Variants in TMEM179 observed in about 807,000 individuals in gnomAD.
The protein encoded by TMEM179 is transmembrane protein 179A.
TMEM179 carries 17 observed loss-of-function variants against 22.2 expected under a neutral mutation model. That is an observed-to-expected ratio of 0.77 (90% CI 0.52 to 1.15). The LOEUF is 1.15. Among genes scored for constraint, TMEM179 ranks in the 50% most tolerant of loss-of-function variants. The pLI, the probability that TMEM179 is intolerant of heterozygous loss-of-function variation, is 0.00. For synonymous variants in TMEM179, 127 were observed against 140.5 expected (o/e 0.90, Z 0.68); for missense variants, 265 against 313.6 (o/e 0.84, Z 1.17).
chr14:104,595,180 C>A lies in TMEM179; in HGVS notation c.507G>T (p.Gln169His). Residue 169 changes from glutamine to histidine, a missense_variant, in exon 3 of 4, where the codon CAG becomes CAT. Physicochemically the swap from Gln to His is conservative, Grantham distance 24. Transcript: ENST00000556573. The surrounding 1 kb of genome is among the most constrained non-coding windows in gnomAD (Gnocchi z 5.7). ...LGVDNSAFYD[Q>H]FAIAQFGLWA... ...AGCCCCCTACCTGGGCAATTGCAAACTGATCGTAGAAGGCGGAGTTGTCCA... is the reference window on the plus strand; with the variant it reads ...AGCCCCCTACCTGGGCAATTGCAAAATGATCGTAGAAGGCGGAGTTGTCCA... 1 of 1,613,852 alleles carries A rather than the reference C, an allele frequency of 6.2e-7. No homozygotes were observed. The highest frequency in any genetic ancestry group is 1.3e-5 in the African/African-American group (1 of 75,058).
intron 1 of TMEM179, among the ~76,000 whole-genome samples, chr14:104,601,891 AC>A (rs1215033209): frequency 1.3e-5 from 2 of 151,142 alleles, no homozygotes; most frequent in African/African-American, 4.9e-5. Context: ...CCTCACCCTA[AC>A]CCCCACAGGC....
At chr14:104,602,420 C>A (rs998208134) in intron 1 of TMEM179, among the ~76,000 whole-genome samples, 8 of 152,170 alleles carry the variant, frequency 5.3e-5, no homozygotes, top group South Asian at 2.1e-4. Context: ...GAGCGATGAA[C>A]CAACTGTGGC....
rs937730853 is a variant in TMEM179, at chr14:104,604,241, G to A, written c.305+196C>T. 8.5e-5 allele frequency among the ~76,000 whole-genome samples: 13 copies of A among 152,204 alleles called. No individual in the cohort carries two copies. Among genetic ancestry groups the A allele is most frequent in the African/African-American group, 1.2e-4 (5 of 41,452 alleles). ...AGGCACTGGCCTTGTACGCAGGACCGGTGGTCGTCATGGTCCCTGGATGTG... is the reference window on the plus strand; with the variant it reads ...AGGCACTGGCCTTGTACGCAGGACCAGTGGTCGTCATGGTCCCTGGATGTG... On this transcript the variant is annotated intron_variant, in intron 1 of 3. Coordinates refer to ENST00000556573, the MANE Select transcript of TMEM179 (RefSeq NM_001286389.2). This position sits in a 1 kb window ranked among gnomAD's most constrained non-coding sequence, Gnocchi z 4.6.
chr14:104,594,795 C>T (rs75838789), intron 3 of TMEM179: 107,287 of 1,215,250 alleles, frequency 0.088, 5,223 homozygotes, highest in Middle Eastern at 0.14. Context: ...GCCCACCCAG[C>T]GCCAGCACCA....
Position 104,593,449 on chromosome 14 carries a change from C to G in TMEM179, c.*30G>C, listed in dbSNP as rs536773690. On this transcript the variant is annotated 3_prime_UTR_variant, in exon 4 of 4. Coordinates refer to ENST00000556573, the MANE Select transcript of TMEM179 (RefSeq NM_001286389.2). ...GTGCCCCCGAGCGCAGCAGGGAGGT[C>G]GGGGCCAGCTCCCCCTGCCTGCACT... 4 of 1,535,792 alleles carry G rather than the reference C, an allele frequency of 2.6e-6. No individual in the cohort carries two copies. The highest frequency in any genetic ancestry group is 1.7e-4 in the Middle Eastern group (1 of 6,006).
In TMEM179 at chr14:104,591,527, C is replaced by T. The variant is rs1886845654; in HGVS notation, c.*1952G>A. ...CAAACCCCTTCCCTCGAGGACCTGGCTGCCAGCTGGAAACTCAGCTGGTCC... is the reference window on the plus strand; with the variant it reads ...CAAACCCCTTCCCTCGAGGACCTGGTTGCCAGCTGGAAACTCAGCTGGTCC... On this transcript the variant is annotated 3_prime_UTR_variant, in exon 4 of 4. Coordinates refer to ENST00000556573, the MANE Select transcript of TMEM179 (RefSeq NM_001286389.2). The T allele has an allele frequency of 2.5e-6, 1 of 398,904 alleles. No homozygotes were observed. Among genetic ancestry groups the T allele is most frequent in the Non-Finnish European group, 5.0e-6 (1 of 200,454 alleles). 24.7% of individuals were successfully genotyped at this position (398,904 alleles called of 1,614,324 possible).
rs769854769 is a variant in TMEM179 at position 104,604,398 on chromosome 14, C to A, written c.305+39G>T. 7.5e-6 allele frequency: 11 copies of A among 1,461,492 alleles called. No homozygotes were observed. Among genetic ancestry groups the A allele is most frequent in the Non-Finnish European group, 9.9e-6 (11 of 1,113,604 alleles). The allele number at this position is 1,461,492 out of a possible 1,614,324, so 90.5% of individuals were successfully genotyped here. ...GAGGTGGGTCTGGGGGCGCTGGGGG[C>A]ATGGAAGGGGCGCCGCGCCGGGAGC... On this transcript the variant is annotated intron_variant, in intron 1 of 3. Coordinates refer to ENST00000556573, the MANE Select transcript of TMEM179 (RefSeq NM_001286389.2). This position sits in a 1 kb window ranked among gnomAD's most constrained non-coding sequence, Gnocchi z 4.6.
intron 1 of TMEM179, among the ~76,000 whole-genome samples, chr14:104,600,068 C>T (rs775751951): frequency 7.9e-5 from 12 of 152,198 alleles, no homozygotes; most frequent in Non-Finnish European, 1.3e-4. Context: ...GGGAAGGGAC[C>T]CCAGGCTGGG....
At position 104,594,829 on chromosome 14, in the gene TMEM179, A is replaced by C; in HGVS notation, c.522+336T>G. The C allele has an allele frequency of 6.2e-6, 8 of 1,285,288 alleles. No homozygotes were observed. In the Middle Eastern group the frequency reaches 1.2e-3, roughly 194 times the overall value. The allele number at this position is 1,285,288 out of a possible 1,614,324, so 79.6% of individuals were successfully genotyped here. The stretch of plus-strand genomic sequence containing the variant: ...CAAAGTCCAAAGCCCTTGTCCCTAC[A>C]CTGGACCCCCAGGATCTGATGCCTG... On this transcript the variant is annotated intron_variant, in intron 3 of 3. Transcript: ENST00000556573.
Position 104,595,520 on chromosome 14 carries a change from GC to G in TMEM179, c.444-278del, listed in dbSNP as rs1481596532. Among the ~76,000 whole-genome samples, 5 of 152,048 alleles carry G rather than the reference GC, an allele frequency of 3.3e-5. No individual in the cohort carries two copies. Among genetic ancestry groups the G allele is most frequent in the Non-Finnish European group, 4.4e-5 (3 of 67,976 alleles). On this transcript the variant is annotated intron_variant, in intron 2 of 3. Coordinates refer to ENST00000556573, the MANE Select transcript of TMEM179 (RefSeq NM_001286389.2). The surrounding 1 kb of genome is among the most constrained non-coding windows in gnomAD (Gnocchi z 5.7). ...CTGCCTCTGCCCTCCTGGACCCTCT[GC>G]CCCCCATGCCCCACACTCTGAGGAT... is the stretch of plus-strand genomic sequence containing the variant.
In TMEM179 at chr14:104,595,665, A is replaced by G. The variant is rs73361863; in HGVS notation, c.444-422T>C. ...CCATGCCCCACACTCTGAGGGTCACAGGGTCTCAGAGGCAGGAGATGCAGG... is the reference window on the plus strand; with the variant it reads ...CCATGCCCCACACTCTGAGGGTCACGGGGTCTCAGAGGCAGGAGATGCAGG... On this transcript the variant is annotated intron_variant, in intron 2 of 3. Transcript: ENST00000556573. The surrounding 1 kb of genome is among the most constrained non-coding windows in gnomAD (Gnocchi z 5.7). Among the ~76,000 whole-genome samples, 22,835 of 152,062 alleles carry G rather than the reference A, an allele frequency of 0.15. 2,262 individuals carry two copies. Among genetic ancestry groups the G allele is most frequent in the African/African-American group, 0.28 (11,731 of 41,452 alleles).
chr14:104,594,227 C>T (rs1213484366), intron 3 of TMEM179: 14 of 1,231,768 alleles, frequency 1.1e-5, no homozygotes, highest in Non-Finnish European at 1.0e-6. Context: ...CTTCCACTCA[C>T]TAAATTTGCA....
Position 104,593,326 on chromosome 14 carries a change from C to A in TMEM179, c.*153G>T. 2 of 892,392 alleles carry A rather than the reference C, an allele frequency of 2.2e-6. No individual in the cohort carries two copies. 55.3% of individuals were successfully genotyped at this position (892,392 alleles called of 1,614,324 possible). On this transcript the variant is annotated 3_prime_UTR_variant, in exon 4 of 4. Transcript: ENST00000556573. The stretch of plus-strand genomic sequence containing the variant: ...CCAGGCTCACAGGTGGGCACTGGGG[C>A]GCTCACCTCACTACACGTGGCGTCG...
chr14:104,603,812 A>G (rs769602448), intron 1 of TMEM179, among the ~76,000 whole-genome samples: 2 of 152,212 alleles, frequency 1.3e-5, no homozygotes, highest in Non-Finnish European at 2.9e-5. Context: ...TATGGGCTCC[A>G]GTATCTAGCC....
intron 3 of TMEM179, chr14:104,594,222 A>G: frequency 2.4e-6 from 3 of 1,231,722 alleles, no homozygotes; most frequent in Non-Finnish European, 3.0e-6. Context: ...GGCCTCTTCC[A>G]CTCACTAAAT....
chr14:104,598,790 C>T (rs776778085), intron 1 of TMEM179, among the ~76,000 whole-genome samples: 6 of 152,180 alleles, frequency 3.9e-5, no homozygotes, highest in Non-Finnish European at 7.3e-5. Context: ...AGCAGAACCA[C>T]CCCCCAGGAA....
rs1218866223 is a variant in TMEM179, at chr14:104,604,436, C to A, written c.305+1G>T. ...CCGCGCCGGGAGCGGCCCCCACTTA[C>A]CCCTCGTGTCCCTTGCAGAGGAAGA... On this transcript the variant is annotated splice_donor_variant, in intron 1 of 3. Transcript: ENST00000556573. LOFTEE classifies it high-confidence loss of function. This position sits in a 1 kb window ranked among gnomAD's most constrained non-coding sequence, Gnocchi z 4.6. The A allele has an allele frequency of 6.4e-7, 1 of 1,559,652 alleles. No individual in the cohort carries two copies.
chr14:104,591,565 C>T lies in TMEM179; in HGVS notation c.*1914G>A. ...ACTCAGCTGGTCCCCAAGGCCAGAG[C>T]CCCCTTGAGCTTCCAGAGCCTCGAT... On this transcript the variant is annotated 3_prime_UTR_variant, in exon 4 of 4. Transcript: ENST00000556573. 2.7e-6 allele frequency: 1 copy of T among 371,678 alleles called. No homozygotes were observed. The highest frequency in any genetic ancestry group is 5.3e-6 in the Non-Finnish European group (1 of 188,388). The allele number at this position is 371,678 out of a possible 1,614,324, so 23.0% of individuals were successfully genotyped here.
chr14:104,597,933 C>T lies in TMEM179; in HGVS notation c.306-806G>A, dbSNP rs537958307. ...CTGACCAGGGCCAGAGCATGGGGAG[C>T]GCAGGAGGCAGGGCCATGAGGAAGG... On this transcript the variant is annotated intron_variant, in intron 1 of 3. Transcript: ENST00000556573. This position sits in a 1 kb window ranked among gnomAD's most constrained non-coding sequence, Gnocchi z 4.8. 2.6e-5 allele frequency among the ~76,000 whole-genome samples: 4 copies of T among 152,178 alleles called. No homozygotes were observed. The highest frequency in any genetic ancestry group is 4.8e-5 in the African/African-American group (2 of 41,440).
Sources: gnomAD v4.1 joint callset for allele counts (sites outside exome capture counted in the v4.1 genomes callset) on GRCh38, gnomAD v4.1.1 for gene constraint, Gnocchi (gnomAD v3.1) non-coding constraint, MANE v1.5 for transcripts, NCBI Gene and HGNC (gene_info 2026-07-23, HGNC 2026-07-21) for gene names.